TANC1: variants seen among roughly 807,000 people sequenced by gnomAD.
TANC1 encodes the protein protein TANC1.
TANC1 carries 77 observed loss-of-function variants against 149.7 expected under a neutral mutation model. The ratio of observed to expected loss-of-function variants is 0.51; its 90% confidence interval spans 0.43 to 0.62. The LOEUF (loss-of-function observed/expected upper bound fraction) is 0.62, where lower values mean the gene tolerates loss of function less well. TANC1 is among the 20% of genes least tolerant of loss of function. The probability of loss-of-function intolerance (pLI) is 0.00; values close to 1 mark genes in which losing one functional copy is unlikely to be tolerated. For missense variants in TANC1, 1,985 were observed against 2,321.8 expected (o/e 0.85, Z 2.98); for synonymous variants, 854 against 925.0 (o/e 0.92, Z 1.39).
At chr2:159,188,098 C>T (rs2057150663) in intron 16 of TANC1, among the ~76,000 whole-genome samples, 1 of 152,222 alleles carries the variant, frequency 6.6e-6, no homozygotes, top group African/African-American at 2.4e-5. Flanking sequence ...TCTACACCAT[C>T]TCCGAAATTA....
At chr2:158,982,930 T>C (rs756202384) in intron 1 of TANC1, among the ~76,000 whole-genome samples, 23 of 152,196 alleles carry the variant, frequency 1.5e-4, no homozygotes, top group Admixed American at 3.9e-4. Flanking sequence ...GTCCTTACCA[T>C]ATTTTATTCA....
At chr2:159,026,883 A>AG (rs1322466208) in intron 2 of TANC1, among the ~76,000 whole-genome samples, 1 of 152,136 alleles carries the variant, frequency 6.6e-6, no homozygotes, top group African/African-American at 2.4e-5. Flanking sequence ...CAGGGATGGG[A>AG]GGGACAGCCT....
intron 20 of TANC1, among the ~76,000 whole-genome samples, chr2:159,218,554 G>A (rs573588137): frequency 1.3e-5 from 2 of 152,362 alleles, no homozygotes; most frequent in South Asian, 4.1e-4. Context: ...TGTAACAGGT[G>A]ATGTGTTGGG....
intron 1 of TANC1, among the ~76,000 whole-genome samples, chr2:158,982,116 T>C (rs2034457223): frequency 6.6e-6 from 1 of 152,164 alleles, no homozygotes; most frequent in South Asian, 2.1e-4. Context: ...GAAGAATAGC[T>C]TAGTATATAT....
chr2:158,999,851 CAGGG>C (rs2036470177), intron 1 of TANC1, among the ~76,000 whole-genome samples: 1 of 152,178 alleles, frequency 6.6e-6, no homozygotes, highest in Non-Finnish European at 1.5e-5. Flanking sequence ...CCTCTGTTCT[CAGGG>C]AGACAGACAA....
intron 1 of TANC1, among the ~76,000 whole-genome samples, chr2:158,976,948 A>G (rs1432138513): frequency 6.6e-6 from 1 of 152,164 alleles, no homozygotes; most frequent in Non-Finnish European, 1.5e-5. Context: ...GAACTTAAAA[A>G]TACTGTTTGA....
chr2:158,978,576 T>C (rs2033954099), intron 1 of TANC1, among the ~76,000 whole-genome samples: 1 of 152,148 alleles, frequency 6.6e-6, no homozygotes, highest in South Asian at 2.1e-4. Context: ...GGATGAGATG[T>C]ATGAAGATCT....
At position 159,149,281 on chromosome 2, in the gene TANC1, C is replaced by G; in HGVS notation, c.495+9C>G. On this transcript the variant is annotated intron_variant, in intron 6 of 26. Transcript: ENST00000263635. ...ACAAAAATGAAACCATGGTAATGCC[C>G]GAGGAAGACACTACATTGCATACCT... is the stretch of plus-strand genomic sequence containing the variant. The G allele has an allele frequency of 6.2e-7, 1 of 1,614,072 alleles. No individual in the cohort carries two copies.
intron 4 of TANC1, among the ~76,000 whole-genome samples, chr2:159,121,740 A>G (rs1235834079): frequency 6.6e-6 from 1 of 152,220 alleles, no homozygotes; most frequent in African/African-American, 2.4e-5. Flanking sequence ...GTATGGACAA[A>G]CATTGCTAGG....
chr2:159,051,020 C>A (rs930587122), intron 2 of TANC1, among the ~76,000 whole-genome samples: 3 of 152,136 alleles, frequency 2.0e-5, no homozygotes, highest in African/African-American at 7.2e-5. Flanking sequence ...ACATATTTTG[C>A]TGTACCAGGA....
At chr2:159,125,845 C>T (rs1374155383) in intron 4 of TANC1, among the ~76,000 whole-genome samples, 1 of 152,140 alleles carries the variant, frequency 6.6e-6, no homozygotes, top group Non-Finnish European at 1.5e-5. Context: ...GCCTCGGTCT[C>T]CCAAAGTGCT....
At chr2:159,116,274 A>C (rs1178834510) in intron 4 of TANC1, among the ~76,000 whole-genome samples, 2 of 152,086 alleles carry the variant, frequency 1.3e-5, no homozygotes, top group Non-Finnish European at 1.5e-5. Flanking sequence ...AAAATACAAA[A>C]AAATTAGCTG....
At chr2:158,984,418 A>G (rs572855339) in intron 1 of TANC1, among the ~76,000 whole-genome samples, 1 of 152,324 alleles carries the variant, frequency 6.6e-6, no homozygotes, top group African/African-American at 2.4e-5. Context: ...GTGTTAGCCA[A>G]CTCAACAAAT....
chr2:159,117,552 C>T (rs538436627), intron 4 of TANC1, among the ~76,000 whole-genome samples: 49 of 152,118 alleles, frequency 3.2e-4, no homozygotes, highest in South Asian at 2.9e-3. Flanking sequence ...CCCGCCACCA[C>T]GCCCGGCTAA....
chr2:159,103,162 T>C (rs2046902052), intron 4 of TANC1, among the ~76,000 whole-genome samples: 1 of 96,598 alleles, frequency 1.0e-5, no homozygotes, highest in Non-Finnish European at 2.9e-5. Context: ...GTAATTACAC[T>C]CACGTTGTTG....
intron 5 of TANC1, among the ~76,000 whole-genome samples, chr2:159,144,930 A>G (rs148582694): frequency 9.8e-5 from 15 of 152,342 alleles, no homozygotes; most frequent in Non-Finnish European, 1.8e-4. Flanking sequence ...CTTGGTATTA[A>G]GTCAACTTCG....
intron 1 of TANC1, among the ~76,000 whole-genome samples, chr2:158,972,808 A>AGT (rs2033093130): frequency 6.6e-6 from 1 of 152,226 alleles, no homozygotes. Context: ...AACATTATGA[A>AGT]GTGCTATTAG....
chr2:159,162,116 C>G (rs535742956), intron 7 of TANC1, among the ~76,000 whole-genome samples: 3 of 152,328 alleles, frequency 2.0e-5, no homozygotes, highest in African/African-American at 4.8e-5. Flanking sequence ...ATAGTTTTGT[C>G]TTTACTTCTA....
intron 2 of TANC1, chr2:159,056,434 C>G (rs1255818526): frequency 6.5e-6 from 1 of 154,292 alleles, no homozygotes; most frequent in Admixed American, 6.5e-5. Context: ...GCCTCAGCCT[C>G]CTGAGTAGCT....
Sources: allele counts gnomAD v4.1 joint callset (sites outside exome capture counted in the v4.1 genomes callset), GRCh38; gene constraint gnomAD v4.1.1; transcripts MANE v1.5; gene names NCBI Gene and HGNC (gene_info 2026-07-23, HGNC 2026-07-21).